The following POT1 variants were observed in gnomAD, a reference collection of about 807,000 sequenced individuals.
POT1 encodes protection of telomeres 1, also known as protection of telomeres protein 1.
A neutral mutation model predicts 78.5 loss-of-function variants in POT1; 47 were observed. The ratio of observed to expected loss-of-function variants is 0.60; its 90% confidence interval spans 0.47 to 0.76. POT1 has a LOEUF of 0.76. Among genes scored for constraint, POT1 ranks in the 30% least tolerant of loss-of-function variants. The pLI is 0.00. For missense variants in POT1, 646 were observed against 749.9 expected, an observed-to-expected ratio of 0.86 and a Z score of 1.62; for synonymous variants, 259 against 260.7, an observed-to-expected ratio of 0.99 and a Z score of 0.06.
intron 6 of POT1, among the ~76,000 whole-genome samples, chr7:124,881,668 C>T (rs12530981): frequency 0.6 from 91,215 of 151,660 alleles, 27,559 homozygotes; most frequent in African/African-American, 0.65. Flanking sequence ...CAAATACACA[C>T]GCAAAAATAT....
chr7:124,895,051 CTTG>C (rs767379687), intron 5 of POT1, among the ~76,000 whole-genome samples: 30 of 151,606 alleles, frequency 2.0e-4, no homozygotes, highest in Non-Finnish European at 3.3e-4. Flanking sequence ...TACAAAAATA[CTTG>C]TTGAGGGTTT....
At chr7:124,886,718 T>G (rs1006739576) in intron 6 of POT1, among the ~76,000 whole-genome samples, 8 of 152,240 alleles carry the variant, frequency 5.3e-5, no homozygotes, top group African/African-American at 1.9e-4. Flanking sequence ...ACATATCTGA[T>G]AGAGATATAA....
In POT1 at chr7:124,851,701, G is replaced by A. The variant is rs1455226519; in HGVS notation, c.949+171C>T. ...AAAACGTAATTATATAATTTAGGAA[G>A]AAACCATGTTTACTTTTTGGCATAG... On this transcript the variant is annotated intron_variant, in intron 11 of 18. Transcript: ENST00000357628. 9 of 601,058 alleles carry A rather than the reference G, an allele frequency of 1.5e-5. No homozygotes were observed. The East Asian group carries it at 2.6e-4, about 17-fold the overall frequency. The allele number at this position is 601,058 out of a possible 1,614,324, so 37.2% of individuals were successfully genotyped here.
Position 124,863,411 on chromosome 7 carries a change from A to T in POT1, c.485T>A (p.Phe162Tyr), listed in dbSNP as rs1357083058. 5 of 1,613,864 alleles carry T rather than the reference A, an allele frequency of 3.1e-6. No homozygotes were observed. The highest frequency in any genetic ancestry group is 4.2e-6 in the Non-Finnish European group (5 of 1,179,868). ...KLCDVQPMQY[F>Y]DLTCQLLGKA... ...GCCCAAGAGCTGACAAGTCAGGTCA[A>T]AATACTGCATTGGCTGAACATCACA... is the stretch of plus-strand genomic sequence containing the variant. Residue 162 changes from phenylalanine to tyrosine, a missense_variant, in exon 8 of 19, where the codon TTT (phenylalanine) becomes TAT (tyrosine). Coordinates refer to ENST00000357628, the MANE Select transcript of POT1 (RefSeq NM_015450.3).
At chr7:124,893,355 A>T (rs181835543) in intron 5 of POT1, among the ~76,000 whole-genome samples, 1 of 151,576 alleles carries the variant, frequency 6.6e-6, no homozygotes, top group Non-Finnish European at 1.5e-5. Flanking sequence ...GTATAAAAAG[A>T]TTTAAAATGC....
At chr7:124,838,857 G>A (rs1379184848) in intron 14 of POT1, among the ~76,000 whole-genome samples, 4 of 152,000 alleles carry the variant, frequency 2.6e-5, no homozygotes, top group African/African-American at 7.2e-5. Flanking sequence ...TGCCTGCCTC[G>A]GCCTCCCAAA....
intron 15 of POT1, among the ~76,000 whole-genome samples, chr7:124,830,417 T>C (rs1310813529): frequency 1.3e-5 from 2 of 152,186 alleles, no homozygotes; most frequent in African/African-American, 4.8e-5. Flanking sequence ...GTAACCACAT[T>C]ACATCTTATA....
rs1333963507 is a variant in POT1 at position 124,823,904 on chromosome 7, A to G, written c.*58T>C. The G allele has an allele frequency of 3.6e-6, 4 of 1,098,810 alleles. No individual in the cohort carries two copies. Among genetic ancestry groups the G allele is most frequent in the Non-Finnish European group, 5.5e-6 (4 of 726,086 alleles). 68.1% of individuals were successfully genotyped at this position (1,098,810 alleles called of 1,614,324 possible). A position where few individuals can be genotyped will look rare whatever the true frequency, so the allele number is the denominator to read the frequency against. On this transcript the variant is annotated 3_prime_UTR_variant, in exon 19 of 19. Coordinates refer to ENST00000357628, the MANE Select transcript of POT1 (RefSeq NM_015450.3). ...ATACAAAACTCAGGTCAGGAAAAGA[A>G]GCTCAAACAGGGAAGGTGAGTGGCA...
chr7:124,882,515 T>C (rs921225285), intron 6 of POT1, among the ~76,000 whole-genome samples: 11 of 152,146 alleles, frequency 7.2e-5, no homozygotes, highest in Middle Eastern at 3.4e-3. Flanking sequence ...AAAGAATATA[T>C]GTTATGATAT....
In POT1 at chr7:124,847,256, G is replaced by A. The variant is rs10268372; in HGVS notation, c.950-258C>T. On this transcript the variant is annotated intron_variant, in intron 11 of 18. Coordinates refer to ENST00000357628, the MANE Select transcript of POT1 (RefSeq NM_015450.3). ...ACGCCTATAATCCCAACACTTCGGA[G>A]GACTGAGGTGGGCAGATCACTTGAG... Among the ~76,000 whole-genome samples the A allele has an allele frequency of 0.73, 111,261 of 151,660 alleles. 41,342 individuals carry two copies. Among genetic ancestry groups the A allele is most frequent in the African/African-American group, 0.85 (35,191 of 41,366 alleles).
At chr7:124,899,210 T>C (rs909611622) in intron 3 of POT1, among the ~76,000 whole-genome samples, 12 of 152,186 alleles carry the variant, frequency 7.9e-5, no homozygotes, top group African/African-American at 2.9e-4. Context: ...ATACTGAAGA[T>C]AGTGGTCATT....
At chr7:124,834,568 G>T (rs1462969323) in intron 15 of POT1, among the ~76,000 whole-genome samples, 2 of 152,090 alleles carry the variant, frequency 1.3e-5, no homozygotes, top group African/African-American at 4.8e-5. Flanking sequence ...CACTTAGAAT[G>T]GCGATCATTA....
intron 4 of POT1, among the ~76,000 whole-genome samples, 166 bp from the exon 5 acceptor site, chr7:124,897,378 T>G (rs1447298393): frequency 7.5e-6 from 1 of 132,728 alleles, no homozygotes; most frequent in African/African-American, 2.9e-5. Flanking sequence ...CAAAGTTGTC[T>G]AAGCTACAGA....
chr7:124,852,278 T>C (rs964946773), intron 10 of POT1, among the ~76,000 whole-genome samples: 12 of 152,090 alleles, frequency 7.9e-5, no homozygotes, highest in South Asian at 2.1e-4. Context: ...ATCAGTGAAA[T>C]TGATATAAAA....
chr7:124,884,336 C>T (rs558733692), intron 6 of POT1, among the ~76,000 whole-genome samples: 1 of 152,208 alleles, frequency 6.6e-6, no homozygotes, highest in South Asian at 2.1e-4. Flanking sequence ...GTTTTGGATG[C>T]TACTCTGAGA....
intron 8 of POT1, among the ~76,000 whole-genome samples, chr7:124,861,068 C>G (rs1433545919): frequency 6.6e-6 from 1 of 152,150 alleles, no homozygotes; most frequent in African/African-American, 2.4e-5. Flanking sequence ...AATAAACATA[C>G]GTGTGCATGT....
At chr7:124,919,373 T>C (rs1288064553) in intron 2 of POT1, among the ~76,000 whole-genome samples, 2 of 152,078 alleles carry the variant, frequency 1.3e-5, no homozygotes, top group African/African-American at 4.8e-5. Context: ...AGGACAAAAA[T>C]GAATTAGTAT....
At chr7:124,893,869 T>C (rs1796432198) in intron 5 of POT1, among the ~76,000 whole-genome samples, 1 of 151,576 alleles carries the variant, frequency 6.6e-6, no homozygotes, top group Admixed American at 6.6e-5. Context: ...CGTGTCTCCT[T>C]AGGTGTTGAC....
At chr7:124,885,815 T>A (rs1174651674) in intron 6 of POT1, among the ~76,000 whole-genome samples, 1 of 151,692 alleles carries the variant, frequency 6.6e-6, no homozygotes, top group Non-Finnish European at 1.5e-5. Context: ...TAAAATAAAT[T>A]TTGATGATAA....
Sources: gnomAD v4.1 joint callset for allele counts (sites outside exome capture counted in the v4.1 genomes callset) on GRCh38, gnomAD v4.1.1 for gene constraint, MANE v1.5 for transcripts, NCBI Gene and HGNC (gene_info 2026-07-23, HGNC 2026-07-21) for gene names.